Variants in MDGA2 observed in about 807,000 individuals in gnomAD.
MDGA2 encodes MAM domain containing glycosylphosphatidylinositol anchor 2.
Under a neutral mutation model 117.8 loss-of-function variants are expected in MDGA2, and 40 were observed. The ratio of observed to expected loss-of-function variants is 0.34; its 90% CI spans 0.26 to 0.44. MDGA2 has a LOEUF of 0.44. MDGA2 is among the 20% of genes least tolerant of loss of function. The pLI, the probability that MDGA2 is intolerant of heterozygous loss-of-function variation, is 1.00. For missense variants in MDGA2, 1,123 were observed against 1,250.6 expected (o/e 0.90, Z 1.54); for synonymous variants, 452 against 439.0 (o/e 1.03, Z -0.37).
At chr14:47,198,922 T>C (rs1380609945) in intron 3 of MDGA2, among the ~76,000 whole-genome samples, 1 of 152,146 alleles carries the variant, frequency 6.6e-6, no homozygotes. Flanking sequence ...AAACATATTA[T>C]TCTTTATAAT....
At chr14:47,101,233 A>G (rs1219602791) in intron 5 of MDGA2, among the ~76,000 whole-genome samples, 1 of 152,182 alleles carries the variant, frequency 6.6e-6, no homozygotes, top group Non-Finnish European at 1.5e-5. Flanking sequence ...AAGGGGAACA[A>G]AAAGTCTGTG....
intron 1 of MDGA2, among the ~76,000 whole-genome samples, chr14:47,389,398 G>A (rs1891837348): frequency 6.6e-6 from 1 of 152,078 alleles, no homozygotes; most frequent in Non-Finnish European, 1.5e-5. Flanking sequence ...AATATATTGT[G>A]CGTGTTTCTT....
chr14:46,929,638 TATATATATACA>T (rs1566530365), intron 9 of MDGA2, among the ~76,000 whole-genome samples: 894 of 47,116 alleles, frequency 0.019, 123 homozygotes, highest in Non-Finnish European at 0.028. Context: ...TATATATATA[TATATATATACA>T]TTTTTTTTTT....
Position 47,537,573 on chromosome 14 carries a change from T to TAAAAAAAAAAAAAAAAAAAAAAAA in MDGA2, c.280+136943_280+136944insTTTTTTTTTTTTTTTTTTTTTTTT, listed in dbSNP as rs1566504353. Among the ~76,000 whole-genome samples, 31 of 57,108 alleles carry TAAAAAAAAAAAAAAAAAAAAAAAA rather than the reference T, an allele frequency of 5.4e-4. 8 individuals are homozygous for TAAAAAAAAAAAAAAAAAAAAAAAA. The highest frequency in any genetic ancestry group is 7.9e-4 in the Non-Finnish European group (23 of 29,090). 37.5% of individuals were successfully genotyped at this position (57,108 alleles called of 152,430 possible). A position where few individuals can be genotyped will look rare whatever the true frequency, so the allele number is the denominator to read the frequency against. ...ATTATCCACTGTTACCTTCTCTCTGTTAAAAAAAAAAAAAAAAAAAAAAAA... is the reference window on the plus strand; with the variant it reads ...ATTATCCACTGTTACCTTCTCTCTGTAAAAAAAAAAAAAAAAAAAAAAAATAAAAAAAAAAAAAAAAAAAAAAAA... On this transcript the variant is annotated intron_variant, in intron 1 of 16. Coordinates refer to ENST00000399232, the MANE Select transcript of MDGA2 (RefSeq NM_001113498.3).
chr14:46,905,736 T>A (rs116766138), intron 10 of MDGA2, among the ~76,000 whole-genome samples: 131 of 152,120 alleles, frequency 8.6e-4, no homozygotes, highest in African/African-American at 2.8e-3. Flanking sequence ...CAATTCATGA[T>A]GACAAAAAGA....
intron 14 of MDGA2, among the ~76,000 whole-genome samples, chr14:46,865,327 A>G (rs972861469): frequency 6.6e-6 from 1 of 152,172 alleles, no homozygotes; most frequent in Non-Finnish European, 1.5e-5. Flanking sequence ...AAGGCCTTTG[A>G]CAAAATTCAA....
chr14:47,161,914 C>T (rs927202893), intron 3 of MDGA2, among the ~76,000 whole-genome samples: 16 of 133,642 alleles, frequency 1.2e-4, no homozygotes, highest in African/African-American at 4.4e-4. Flanking sequence ...TTAAACACCC[C>T]CCTCCCCAGA....
chr14:47,204,084 T>C (rs1413662042), intron 3 of MDGA2, among the ~76,000 whole-genome samples: 2 of 152,012 alleles, frequency 1.3e-5, no homozygotes, highest in Non-Finnish European at 2.9e-5. Context: ...TTGAAAGGAC[T>C]ATACAATCTT....
chr14:47,475,006 C>T (rs530820712), intron 1 of MDGA2, among the ~76,000 whole-genome samples: 94 of 151,960 alleles, frequency 6.2e-4, no homozygotes, highest in Non-Finnish European at 1.2e-3. Flanking sequence ...CTAAAGAGTT[C>T]CTGCACATCA....
intron 1 of MDGA2, among the ~76,000 whole-genome samples, chr14:47,669,602 T>C (rs1332969397): frequency 1.3e-5 from 2 of 152,112 alleles, no homozygotes; most frequent in Admixed American, 6.5e-5. Flanking sequence ...CAAGATACAA[T>C]GAGCAGCCCA....
At chr14:47,592,336 G>C (rs1037606373) in intron 1 of MDGA2, among the ~76,000 whole-genome samples, 1 of 151,788 alleles carries the variant, frequency 6.6e-6, no homozygotes, top group Non-Finnish European at 1.5e-5. Context: ...TTATACATTC[G>C]ATGCTATTCC....
At chr14:47,519,981 T>TG (rs1894836340) in intron 1 of MDGA2, among the ~76,000 whole-genome samples, 1 of 152,202 alleles carries the variant, frequency 6.6e-6, no homozygotes, top group African/African-American at 2.4e-5. Flanking sequence ...GTAGAGCCAC[T>TG]GCTTGAGAAC....
intron 1 of MDGA2, among the ~76,000 whole-genome samples, chr14:47,588,792 C>T (rs1896381174): frequency 6.6e-6 from 1 of 151,874 alleles, no homozygotes; most frequent in African/African-American, 2.4e-5. Flanking sequence ...TTACCACAAA[C>T]CTAATGGCTG....
chr14:47,056,221 T>G (rs374465145), intron 7 of MDGA2, among the ~76,000 whole-genome samples: 36 of 152,284 alleles, frequency 2.4e-4, no homozygotes, highest in Middle Eastern at 3.4e-3. Flanking sequence ...TTAGTCATTT[T>G]TTCTGTTGCC....
At chr14:47,009,660 TG>T (rs1469087958) in intron 8 of MDGA2, among the ~76,000 whole-genome samples, 1 of 152,108 alleles carries the variant, frequency 6.6e-6, no homozygotes, top group Non-Finnish European at 1.5e-5. Flanking sequence ...ATTGTCATTC[TG>T]TCTTCTCCCA....
chr14:47,549,573 A>G (rs1256213728), intron 1 of MDGA2, among the ~76,000 whole-genome samples: 1 of 152,148 alleles, frequency 6.6e-6, no homozygotes, highest in Non-Finnish European at 1.5e-5. Context: ...TTTGCTGACT[A>G]TTATGAACAA....
intron 1 of MDGA2, among the ~76,000 whole-genome samples, chr14:47,343,535 A>G (rs1291945571): frequency 6.6e-6 from 1 of 151,976 alleles, no homozygotes; most frequent in Non-Finnish European, 1.5e-5. Context: ...TTTTAGCTTT[A>G]TCTTCAGTTG....
At chr14:47,602,155 T>TA (rs1158854235) in intron 1 of MDGA2, among the ~76,000 whole-genome samples, 1 of 152,196 alleles carries the variant, frequency 6.6e-6, no homozygotes, top group African/African-American at 2.4e-5. Flanking sequence ...GTGACACATA[T>TA]TTTGCTTCCA....
intron 8 of MDGA2, among the ~76,000 whole-genome samples, chr14:46,970,252 A>T (rs1370388547): frequency 6.6e-6 from 1 of 151,994 alleles, no homozygotes; most frequent in East Asian, 1.9e-4. Context: ...AAGCAATCCT[A>T]AGCAAAAAGA....
Sources: gnomAD v4.1 joint callset for allele counts (sites outside exome capture counted in the v4.1 genomes callset) on GRCh38, gnomAD v4.1.1 for gene constraint, MANE v1.5 for transcripts, NCBI Gene and HGNC (gene_info 2026-07-23, HGNC 2026-07-21) for gene names.